TAFA5: variants seen among roughly 807,000 people sequenced by gnomAD.
TAFA5 encodes the protein TAFA chemokine like family member 5.
In TAFA5, 6 loss-of-function variants were observed where a neutral mutation model predicts 15.3. The ratio of observed to expected loss-of-function variants is 0.39; its 90% CI spans 0.21 to 0.77. TAFA5 has a LOEUF of 0.77. Among genes scored for constraint, TAFA5 ranks in the 30% least tolerant of loss-of-function variants. The pLI is 0.41. For missense variants in TAFA5, 161 were observed against 193.1 expected, an observed-to-expected ratio of 0.83 and a Z score of 0.98; for synonymous variants, 103 against 80.7, an observed-to-expected ratio of 1.28 and a Z score of -1.48.
At chr22:48,546,409 A>C in intron 1 of TAFA5, 1 of 451,302 alleles carries the variant, frequency 2.2e-6, no homozygotes, top group East Asian at 7.1e-5. Context: ...TGGCTCTTGG[A>C]GGTCCCCGAG....
chr22:48,615,443 G>A (rs1925566089), intron 1 of TAFA5, among the ~76,000 whole-genome samples: 4 of 152,196 alleles, frequency 2.6e-5, no homozygotes, highest in African/African-American at 9.7e-5. Flanking sequence ...CTCTGTCCGT[G>A]TTCCTCTCGG....
At chr22:48,563,502 C>T (rs1923309034) in intron 1 of TAFA5, among the ~76,000 whole-genome samples, 1 of 152,210 alleles carries the variant, frequency 6.6e-6, no homozygotes, top group African/African-American at 2.4e-5. Context: ...TGTGGGGCTC[C>T]TCTTGTCTCT....
chr22:48,740,835 C>T (rs575587920), intron 3 of TAFA5, among the ~76,000 whole-genome samples: 2 of 152,168 alleles, frequency 1.3e-5, no homozygotes, highest in Non-Finnish European at 2.9e-5. Flanking sequence ...GCCCTGTTCT[C>T]AGGGGAGCTC....
intron 1 of TAFA5, among the ~76,000 whole-genome samples, chr22:48,624,342 G>A (rs1925953449): frequency 6.6e-6 from 1 of 152,146 alleles, no homozygotes; most frequent in Admixed American, 6.5e-5. Flanking sequence ...CCTGCCCTGT[G>A]AGGTCGCTCT....
chr22:48,660,965 G>A (rs1360906625), intron 2 of TAFA5, among the ~76,000 whole-genome samples: 2 of 152,176 alleles, frequency 1.3e-5, no homozygotes, highest in East Asian at 1.9e-4. Context: ...CTCTTCGGGG[G>A]AAACTCTGAC....
In TAFA5 at chr22:48,641,336, C is replaced by T. The variant is rs530234752; in HGVS notation, c.113-5261C>T. On this transcript the variant is annotated intron_variant, in intron 1 of 3. Transcript: ENST00000402357. ...TCATATGATCAACCCATATGCAGCC[C>T]GACAGAAAGTCAAATTTGGGGATGT... is the stretch of plus-strand genomic sequence containing the variant. Among the ~76,000 whole-genome samples, 8 of 152,144 alleles carry T rather than the reference C, an allele frequency of 5.3e-5. No individual in the cohort carries two copies. In the East Asian group the frequency reaches 7.7e-4, roughly 15 times the overall value.
chr22:48,510,667 G>T (rs1921177741), intron 1 of TAFA5, among the ~76,000 whole-genome samples: 1 of 152,228 alleles, frequency 6.6e-6, no homozygotes, highest in Non-Finnish European at 1.5e-5. Flanking sequence ...GAGAAATTTG[G>T]CTTGAAGGCC....
intron 1 of TAFA5, among the ~76,000 whole-genome samples, chr22:48,607,548 G>C (rs544461948): frequency 7.4e-6 from 1 of 135,612 alleles, no homozygotes; most frequent in South Asian, 2.3e-4. Flanking sequence ...CCTGGGTTCT[G>C]ATTAGGCCTG....
At chr22:48,683,398 T>A (rs1167065854) in intron 2 of TAFA5, among the ~76,000 whole-genome samples, 1 of 152,172 alleles carries the variant, frequency 6.6e-6, no homozygotes, top group Non-Finnish European at 1.5e-5. Context: ...TTCATCAGCC[T>A]AACAGCCCAG....
At chr22:48,611,256 C>T (rs749654805) in intron 1 of TAFA5, among the ~76,000 whole-genome samples, 1 of 152,242 alleles carries the variant, frequency 6.6e-6, no homozygotes, top group African/African-American at 2.4e-5. Flanking sequence ...GCTTTGAAAA[C>T]ACAGCTAGCG....
At chr22:48,600,482 C>G (rs772966484) in intron 1 of TAFA5, among the ~76,000 whole-genome samples, 9 of 152,226 alleles carry the variant, frequency 5.9e-5, no homozygotes, top group Non-Finnish European at 1.3e-4. Context: ...ACTCTGTGTT[C>G]CGAACTGTGC....
intron 1 of TAFA5, among the ~76,000 whole-genome samples, chr22:48,585,669 C>T (rs1175970731): frequency 1.3e-5 from 2 of 151,800 alleles, no homozygotes; most frequent in African/African-American, 2.4e-5. Flanking sequence ...ACACACACCA[C>T]ACACACCACA....
chr22:48,509,229 A>T (rs941737884), intron 1 of TAFA5, among the ~76,000 whole-genome samples: 1 of 152,128 alleles, frequency 6.6e-6, no homozygotes, highest in African/African-American at 2.4e-5. Context: ...ACTTAGGCTG[A>T]TTCTGCGTCG....
chr22:48,693,420 G>A (rs772967333), intron 2 of TAFA5: 3 of 1,611,520 alleles, frequency 1.9e-6, no homozygotes, highest in Admixed American at 1.7e-5. Context: ...TGCAGCCCGT[G>A]CAGGCAGTAA....
intron 1 of TAFA5, among the ~76,000 whole-genome samples, chr22:48,616,360 C>T (rs189825338): frequency 1.8e-3 from 267 of 152,340 alleles, no homozygotes; most frequent in Non-Finnish European, 3.0e-3. Flanking sequence ...CCCAAGTGAT[C>T]GTGTCTTCTG....
chr22:48,693,211 CTCG>C lies in TAFA5; in HGVS notation c.263-14503_263-14501del, dbSNP rs1247979466. 2.2e-6 allele frequency: 3 copies of C among 1,374,656 alleles called. No homozygotes were observed. In the African/African-American group the frequency reaches 4.3e-5, roughly 20 times the overall value. The allele number at this position is 1,374,656 out of a possible 1,614,324, so 85.2% of individuals were successfully genotyped here. ...GAGGGGCCTCAGTGACGGGGCCTCA[CTCG>C]TCCTCAGAGCAGCCTGGCAGGATGA... On this transcript the variant is annotated intron_variant, in intron 2 of 3. Transcript: ENST00000402357.
intron 2 of TAFA5, among the ~76,000 whole-genome samples, chr22:48,678,045 C>A (rs1385575908): frequency 2.0e-5 from 3 of 152,144 alleles, no homozygotes; most frequent in Admixed American, 2.0e-4. Flanking sequence ...TATCCCCGCC[C>A]CCGTTGCTCT....
At chr22:48,532,580 C>T (rs1922010991) in intron 1 of TAFA5, among the ~76,000 whole-genome samples, 1 of 152,208 alleles carries the variant, frequency 6.6e-6, no homozygotes, top group Non-Finnish European at 1.5e-5. Context: ...TGGGAGACCT[C>T]AGGCTGCAGA....
intron 1 of TAFA5, chr22:48,546,899 C>T (rs866080883): frequency 1.1e-4 from 23 of 211,684 alleles, no homozygotes; most frequent in South Asian, 2.1e-4. Flanking sequence ...GTCTTGACTC[C>T]GTTCAGCAAG....
Sources: allele counts gnomAD v4.1 joint callset (sites outside exome capture counted in the v4.1 genomes callset), GRCh38; gene constraint gnomAD v4.1.1; transcripts MANE v1.5; gene names NCBI Gene and HGNC (gene_info 2026-07-23, HGNC 2026-07-21).